The following RAP1A variants were observed in gnomAD, a reference collection of about 807,000 sequenced individuals.
The protein encoded by RAP1A is RAP1A, member of RAS oncogene family.
A neutral mutation model predicts 26.4 loss-of-function variants in RAP1A; 6 were observed. The ratio of observed to expected loss-of-function variants is 0.23; its 90% CI spans 0.12 to 0.45. The LOEUF is 0.45. RAP1A is among the 20% of genes least tolerant of loss of function. The pLI is 0.99. For synonymous variants in RAP1A, 73 were observed against 79.4 expected (o/e 0.92, Z 0.43); for missense variants, 121 against 217.2 (o/e 0.56, Z 2.78).
chr1:111,695,357 A>T lies in RAP1A; in HGVS notation c.74A>T (p.Gln25Leu). 6.4e-7 allele frequency: 1 copy of T among 1,569,148 alleles called. No individual in the cohort carries two copies. Among genetic ancestry groups the T allele is most frequent in the Non-Finnish European group, 8.6e-7 (1 of 1,164,866 alleles). Residue 25 changes from glutamine to leucine, a missense_variant, in exon 3 of 8, where the codon CAG becomes CTG. Physicochemically the swap from Gln to Leu is moderately radical, Grantham distance 113. Coordinates refer to ENST00000369709, the MANE Select transcript of RAP1A (RefSeq NM_002884.4). Reference protein sequence around the residue: ...GKSALTVQFVQGIFVEKYDPT... With the variant: ...GKSALTVQFVLGIFVEKYDPT... ...TTCCCCCAGACAGTTCAGTTTGTTCAGGGAATTTTTGTTGAAAAATATGAC... is the reference window on the plus strand; with the variant it reads ...TTCCCCCAGACAGTTCAGTTTGTTCTGGGAATTTTTGTTGAAAAATATGAC...
chr1:111,658,475 TA>T (rs1193885846), intron 1 of RAP1A, among the ~76,000 whole-genome samples: 4 of 152,096 alleles, frequency 2.6e-5, no homozygotes, highest in South Asian at 4.1e-4. Flanking sequence ...TGTTGTCTGT[TA>T]AAAAAAATTT....
intron 1 of RAP1A, among the ~76,000 whole-genome samples, chr1:111,685,087 C>T (rs1456849964): frequency 6.6e-6 from 1 of 152,010 alleles, no homozygotes; most frequent in Non-Finnish European, 1.5e-5. Flanking sequence ...AAAACTGAAA[C>T]TGGACTCATT....
rs981223615 is a variant in RAP1A, at chr1:111,713,155, G to A, written c.*754G>A. On this transcript the variant is annotated 3_prime_UTR_variant, in exon 8 of 8. Transcript: ENST00000369709. ...TTTGTTATTGTTTATAGATTAAAGC[G>A]TTTATTTTATAATGACCACATTGTT... 8 of 152,470 alleles carry A rather than the reference G, an allele frequency of 5.2e-5. No individual in the cohort carries two copies. Among genetic ancestry groups the A allele is most frequent in the East Asian group, 1.9e-4 (1 of 5,190 alleles). The allele number at this position is 152,470 out of a possible 1,614,324, so 9.4% of individuals were successfully genotyped here. A position where few individuals can be genotyped will look rare whatever the true frequency, so the allele number is the denominator to read the frequency against.
At chr1:111,619,513 C>T (rs187228944), upstream of RAP1A, among the ~76,000 whole-genome samples, 85 of 152,342 alleles carry the variant, frequency 5.6e-4, no homozygotes, top group Middle Eastern at 3.4e-3. Flanking sequence ...GATTGAGTTC[C>T]CTCCAAATTC....
chr1:111,580,053 C>T (rs1415687640), intron 1 of RAP1A, among the ~76,000 whole-genome samples: 1 of 152,140 alleles, frequency 6.6e-6, no homozygotes, highest in Non-Finnish European at 1.5e-5. Context: ...GCCTTGGCCT[C>T]CCAAAGTGCT....
chr1:111,558,091 C>T (rs1262885241), intron 1 of RAP1A, among the ~76,000 whole-genome samples: 1 of 152,074 alleles, frequency 6.6e-6, no homozygotes, highest in African/African-American at 2.4e-5. Context: ...AGAAAGTGCA[C>T]ATTTAGATAA....
chr1:111,628,013 C>A (rs944864152), intron 1 of RAP1A, among the ~76,000 whole-genome samples: 29 of 151,918 alleles, frequency 1.9e-4, no homozygotes. Context: ...TGCTTTGCCA[C>A]TTACTAAGTA....
At chr1:111,544,147 A>C (rs1265259037) in intron 1 of RAP1A, among the ~76,000 whole-genome samples, 1 of 152,192 alleles carries the variant, frequency 6.6e-6, no homozygotes, top group East Asian at 1.9e-4. Flanking sequence ...TGTTAATGCA[A>C]TATTATTCTC....
At chr1:111,561,946 T>A (rs766289446) in intron 1 of RAP1A, among the ~76,000 whole-genome samples, 3 of 152,014 alleles carry the variant, frequency 2.0e-5, no homozygotes, top group Non-Finnish European at 4.4e-5. Context: ...GCATTTACCC[T>A]CCCTACTGAC....
chr1:111,577,561 A>AT (rs986026236), intron 1 of RAP1A, among the ~76,000 whole-genome samples: 1 of 151,988 alleles, frequency 6.6e-6, no homozygotes, highest in East Asian at 1.9e-4. Context: ...CCATAAACAG[A>AT]TTTTTTTAGG....
At chr1:111,612,931 G>T (rs114275379) in intron 1 of RAP1A, among the ~76,000 whole-genome samples, 4,074 of 152,198 alleles carry the variant, frequency 0.027, 79 homozygotes, top group Non-Finnish European at 0.039. Flanking sequence ...TTTTACCAAA[G>T]TACTACAAAA....
intron 1 of RAP1A, among the ~76,000 whole-genome samples, chr1:111,588,266 G>C (rs985801596): frequency 1.3e-5 from 2 of 152,090 alleles, no homozygotes; most frequent in African/African-American, 4.8e-5. Context: ...CACTTCTACT[G>C]TTTCTACTTT....
chr1:111,651,814 A>G (rs1035095892), intron 1 of RAP1A, among the ~76,000 whole-genome samples: 1 of 151,972 alleles, frequency 6.6e-6, no homozygotes, highest in Non-Finnish European at 1.5e-5. Context: ...GCGTTTCACC[A>G]TGTTGGCCAG....
intron 7 of RAP1A, among the ~76,000 whole-genome samples, chr1:111,712,070 G>A (rs1662402500): frequency 6.6e-6 from 1 of 152,086 alleles, no homozygotes; most frequent in Non-Finnish European, 1.5e-5. Flanking sequence ...AAAAAGGAAA[G>A]TAAAAATAAG....
At chr1:111,584,508 C>T (rs1043651365) in intron 1 of RAP1A, among the ~76,000 whole-genome samples, 3 of 152,094 alleles carry the variant, frequency 2.0e-5, no homozygotes, top group African/African-American at 4.8e-5. Flanking sequence ...TTTATAAGGG[C>T]ACTAATCCTA....
chr1:111,687,428 C>T (rs748761642), intron 1 of RAP1A, among the ~76,000 whole-genome samples: 3 of 151,840 alleles, frequency 2.0e-5, no homozygotes, highest in African/African-American at 4.8e-5. Flanking sequence ...TGCTGGTCTC[C>T]GACTCCTGAC....
chr1:111,686,365 G>A (rs1265460494), intron 1 of RAP1A, among the ~76,000 whole-genome samples: 3 of 152,114 alleles, frequency 2.0e-5, no homozygotes, highest in East Asian at 1.9e-4. Context: ...TTGGGAGGCC[G>A]AGGCGTCTTG....
intron 1 of RAP1A, chr1:111,608,745 A>C (rs1658864476): frequency 6.3e-6 from 1 of 158,352 alleles, no homozygotes; most frequent in African/African-American, 2.4e-5. Flanking sequence ...CCAAAAAAAT[A>C]CGAAAAGCAG....
chr1:111,663,690 AGAC>A (rs1383975116), intron 1 of RAP1A, among the ~76,000 whole-genome samples: 3 of 152,244 alleles, frequency 2.0e-5, no homozygotes, highest in Non-Finnish European at 4.4e-5. Flanking sequence ...CATTAGTGTT[AGAC>A]GACACCTAGC....
Sources: allele counts gnomAD v4.1 joint callset (sites outside exome capture counted in the v4.1 genomes callset), GRCh38; gene constraint gnomAD v4.1.1; transcripts MANE v1.5; gene names NCBI Gene and HGNC (gene_info 2026-07-23, HGNC 2026-07-21).